Variants in PHACTR4 observed in about 807,000 individuals in gnomAD.
PHACTR4 encodes phosphatase and actin regulator 4.
Under a neutral mutation model 72.7 loss-of-function variants are expected in PHACTR4, and 51 were observed. That is an observed-to-expected ratio of 0.70 (90% CI 0.56 to 0.89). The LOEUF is 0.89. PHACTR4 is among the 40% of genes least tolerant of loss of function. PHACTR4 has a pLI of 0.00. For missense variants in PHACTR4, 731 were observed against 861.8 expected (o/e 0.85, Z 1.90); for synonymous variants, 255 against 302.5 (o/e 0.84, Z 1.63).
chr1:28,411,679 A>G (rs1312687460), intron 2 of PHACTR4, among the ~76,000 whole-genome samples: 1 of 152,174 alleles, frequency 6.6e-6, no homozygotes, highest in African/African-American at 2.4e-5. Flanking sequence ...AAAAAGAGAT[A>G]AAAGACTACA....
At chr1:28,391,409 TAAATA>T (rs1653020509) in intron 1 of PHACTR4, among the ~76,000 whole-genome samples, 2 of 149,930 alleles carry the variant, frequency 1.3e-5, no homozygotes, top group Non-Finnish European at 3.0e-5. Flanking sequence ...AAAAAATAAA[TAAATA>T]AAATAATAAT....
At chr1:28,446,333 GTCCCCAACCAGA>G (rs1569977763) in intron 2 of PHACTR4, among the ~76,000 whole-genome samples, 1 of 152,160 alleles carries the variant, frequency 6.6e-6, no homozygotes, top group African/African-American at 2.4e-5. Context: ...TTGGATCTAG[GTCCCCAACCAGA>G]TCCCATGTTA....
At position 28,499,043 on chromosome 1, in the gene PHACTR4, G is replaced by A. The variant is rs1312298459; in HGVS notation, c.*2494G>A. ...AGATTGCACCACTGCACTCCAGCCT[G>A]GGCAACAGAGCGAGACTCCATCAAA... On this transcript the variant is annotated 3_prime_UTR_variant, in exon 14 of 14. Transcript: ENST00000373839. 1 of 143,912 alleles carries A rather than the reference G, an allele frequency of 6.9e-6. No homozygotes were observed. Among genetic ancestry groups the A allele is most frequent in the Non-Finnish European group, 1.5e-5 (1 of 66,390 alleles). 8.9% of individuals were successfully genotyped at this position (143,912 alleles called of 1,614,324 possible).
At chr1:28,392,790 A>G (rs536853159) in intron 1 of PHACTR4, among the ~76,000 whole-genome samples, 21 of 152,252 alleles carry the variant, frequency 1.4e-4, no homozygotes, top group African/African-American at 4.8e-4. Flanking sequence ...AATCTATAGT[A>G]AAAATGATTT....
At chr1:28,449,321 C>G (rs958636368) in intron 2 of PHACTR4, among the ~76,000 whole-genome samples, 1 of 151,786 alleles carries the variant, frequency 6.6e-6, no homozygotes, top group Non-Finnish European at 1.5e-5. Context: ...GGTAACATAC[C>G]CCATATCTAA....
At chr1:28,494,220 T>G (rs1333616132) in intron 13 of PHACTR4, 2 of 151,992 alleles carry the variant, frequency 1.3e-5, no homozygotes, top group Admixed American at 6.6e-5. Flanking sequence ...AAATCTATTT[T>G]TTGATTTAGG....
intron 9 of PHACTR4, among the ~76,000 whole-genome samples, chr1:28,485,648 C>A (rs1228707109): frequency 6.6e-6 from 1 of 150,978 alleles, no homozygotes. Flanking sequence ...TGCCTATAAT[C>A]CCAATACTTT....
intron 1 of PHACTR4, among the ~76,000 whole-genome samples, chr1:28,379,715 G>A (rs371828485): frequency 4.0e-5 from 6 of 150,820 alleles, no homozygotes; most frequent in Non-Finnish European, 7.4e-5. Context: ...TCAGCCTCCC[G>A]AGTAGCTGGG....
Position 28,466,458 on chromosome 1 carries a change from CA to C in PHACTR4, c.517del (p.Arg173AspfsTer109). On this transcript the variant is annotated frameshift_variant, in exon 6 of 14. Coordinates refer to ENST00000373839, the MANE Select transcript of PHACTR4 (RefSeq NM_001048183.3). LOFTEE classifies it high-confidence loss of function. ...NVPKPPLLPPKRPLSSSHEAS... is the reference protein window; with the variant it reads ...NVPKPPLLPPXRPLSSSHEAS... ...TACCCAAACCACCTTTACTTCCTCC[CA>C]AAAGACCCTTGTCCTCTTCTCATGA... is the stretch of plus-strand genomic sequence containing the variant. The C allele has an allele frequency of 6.2e-7, 1 of 1,614,096 alleles. No individual in the cohort carries two copies. Among genetic ancestry groups the C allele is most frequent in the Non-Finnish European group, 8.5e-7 (1 of 1,180,024 alleles).
intron 10 of PHACTR4, 88 bp from the exon 11 acceptor site, chr1:28,490,860 AAAG>A (rs1420991750): frequency 3.0e-6 from 4 of 1,330,526 alleles, no homozygotes; most frequent in Non-Finnish European, 4.2e-6. Context: ...AAAAAACAAA[AAAG>A]AAATATCTGT....
At chr1:28,400,815 G>C (rs1430609638) in intron 1 of PHACTR4, among the ~76,000 whole-genome samples, 1 of 152,078 alleles carries the variant, frequency 6.6e-6, no homozygotes. Flanking sequence ...CCTGACCTCA[G>C]GTGATCTGCC....
chr1:28,394,753 C>T (rs1308316305), intron 1 of PHACTR4, among the ~76,000 whole-genome samples: 6 of 151,702 alleles, frequency 4.0e-5, no homozygotes, highest in Non-Finnish European at 7.4e-5. Context: ...TGTGCCACCA[C>T]GCCTGGCTAA....
At chr1:28,426,706 G>C (rs1206753905) in intron 2 of PHACTR4, among the ~76,000 whole-genome samples, 1 of 147,920 alleles carries the variant, frequency 6.8e-6, no homozygotes, top group Admixed American at 6.8e-5. Flanking sequence ...GAGATACTCT[G>C]TTATTACTGG....
intron 9 of PHACTR4, among the ~76,000 whole-genome samples, chr1:28,482,098 A>G (rs535005167): frequency 1.3e-5 from 2 of 151,744 alleles, no homozygotes; most frequent in Non-Finnish European, 2.9e-5. Context: ...GGGTTTCACC[A>G]TGTTGGCCAG....
intron 2 of PHACTR4, chr1:28,453,848 A>C (rs1658161741): frequency 4.5e-6 from 4 of 886,296 alleles, no homozygotes; most frequent in South Asian, 3.9e-5. Flanking sequence ...GAAGCTGTGG[A>C]CAAAGCATAA....
chr1:28,389,845 A>G (rs7552271), intron 1 of PHACTR4, among the ~76,000 whole-genome samples: 58,638 of 151,970 alleles, frequency 0.39, 13,015 homozygotes, highest in African/African-American at 0.6. Context: ...ATTATCATAC[A>G]ATTCAGCAAT....
chr1:28,440,640 G>T (rs1316908406), intron 2 of PHACTR4, among the ~76,000 whole-genome samples: 5 of 151,642 alleles, frequency 3.3e-5, no homozygotes, highest in Non-Finnish European at 7.4e-5. Flanking sequence ...TTTAATTTTG[G>T]GGTTTTATTT....
chr1:28,496,443 A>AC, intron 13 of PHACTR4, 91 bp from the exon 14 acceptor site: 2 of 1,392,680 alleles, frequency 1.4e-6, no homozygotes, highest in Non-Finnish European at 2.0e-6. Context: ...AGGCAGTGTT[A>AC]ATTAGGTATA....
intron 6 of PHACTR4, among the ~76,000 whole-genome samples, chr1:28,473,241 A>G (rs920853560): frequency 6.7e-6 from 1 of 148,448 alleles, no homozygotes; most frequent in Non-Finnish European, 1.5e-5. Flanking sequence ...GCGCCACTGC[A>G]CTCCAGTCTG....
Sources: allele counts gnomAD v4.1 joint callset (sites outside exome capture counted in the v4.1 genomes callset), GRCh38; gene constraint gnomAD v4.1.1; transcripts MANE v1.5; gene names NCBI Gene and HGNC (gene_info 2026-07-23, HGNC 2026-07-21).